Variants in MALRD1 observed in about 807,000 individuals in gnomAD.
MALRD1 encodes MAM and LDL-receptor class A domain-containing protein 1.
A neutral mutation model predicts 242.1 loss-of-function variants in MALRD1; 247 were observed. The ratio of observed to expected loss-of-function variants is 1.02; its 90% CI spans 0.92 to 1.13. MALRD1 has a LOEUF of 1.13. Among genes scored for constraint, MALRD1 ranks in the 50% most tolerant of loss-of-function variants. The pLI is 0.00. For missense variants in MALRD1, 2,989 were observed against 2,533.1 expected, an observed-to-expected ratio of 1.18 and a Z score of -3.86; for synonymous variants, 995 against 866.6, an observed-to-expected ratio of 1.15 and a Z score of -2.60.
chr10:19,341,173 A>G (rs1230099799), intron 24 of MALRD1, among the ~76,000 whole-genome samples: 2 of 152,028 alleles, frequency 1.3e-5, no homozygotes, highest in African/African-American at 4.8e-5. Flanking sequence ...TATGAATTGA[A>G]TAGACTAAAA....
intron 32 of MALRD1, among the ~76,000 whole-genome samples, chr10:19,561,707 T>G (rs1835972362): frequency 1.1e-5 from 1 of 92,830 alleles, no homozygotes; most frequent in African/African-American, 4.5e-5. Context: ...TACAATTGCC[T>G]CTCAGCATTT....
intron 38 of MALRD1, among the ~76,000 whole-genome samples, chr10:19,723,370 T>C (rs1020569164): frequency 6.6e-6 from 1 of 152,044 alleles, no homozygotes; most frequent in African/African-American, 2.4e-5. Flanking sequence ...TCCACCAAAA[T>C]ACGACAGAAA....
intron 36 of MALRD1, among the ~76,000 whole-genome samples, chr10:19,682,614 A>C (rs1414373423): frequency 2.6e-5 from 4 of 152,202 alleles, no homozygotes; most frequent in South Asian, 2.1e-4. Context: ...AATTAGTCCA[A>C]GCAAATTAAT....
intron 26 of MALRD1, among the ~76,000 whole-genome samples, chr10:19,364,204 T>C (rs552108792): frequency 6.6e-6 from 1 of 152,130 alleles, no homozygotes; most frequent in Non-Finnish European, 1.5e-5. Context: ...AGGGTGATGC[T>C]CTGTGGATCT....
Position 19,540,003 on chromosome 10 carries a change from A to G in MALRD1, c.5478+8652A>G, listed in dbSNP as rs1834893855. On this transcript the variant is annotated intron_variant, in intron 32 of 39. Coordinates refer to ENST00000454679, the MANE Select transcript of MALRD1 (RefSeq NM_001142308.3). ...AGTGATCTGCCCACCTCGGCCTCCCATGCCACATGCCCAGTGTGTTCTGCT... is the reference window on the plus strand; with the variant it reads ...AGTGATCTGCCCACCTCGGCCTCCCGTGCCACATGCCCAGTGTGTTCTGCT... Among the ~76,000 whole-genome samples the G allele has an allele frequency of 1.3e-5, 2 of 151,698 alleles. 1 individual carries two copies. Among genetic ancestry groups the G allele is most frequent in the South Asian group, 4.2e-4 (2 of 4,796 alleles).
intron 21 of MALRD1, among the ~76,000 whole-genome samples, chr10:19,306,132 G>GTA (rs1489269414): frequency 1.1e-5 from 1 of 90,968 alleles, no homozygotes; most frequent in Non-Finnish European, 2.1e-5. Context: ...AGTATATATA[G>GTA]TATAGTATAT....
At chr10:19,358,267 G>C (rs1844730701) in intron 26 of MALRD1, among the ~76,000 whole-genome samples, 1 of 150,378 alleles carries the variant, frequency 6.6e-6, no homozygotes, top group South Asian at 2.1e-4. Flanking sequence ...CCAAACAGGA[G>C]TTATTCAATA....
rs566617943 is a variant in MALRD1 at position 19,526,224 on chromosome 10, G to C, written c.5321-4970G>C. ...AGTCTGAGCTTGCTAGATAAAGAAT[G>C]AGTCTATTTCTGAAAGTATAATTCA... is the stretch of plus-strand genomic sequence containing the variant. On this transcript the variant is annotated intron_variant, in intron 31 of 39. Transcript: ENST00000454679. 8.3e-4 allele frequency among the ~76,000 whole-genome samples: 126 copies of C among 152,076 alleles called. 1 individual carries two copies. Among genetic ancestry groups the C allele is most frequent in the Non-Finnish European group, 1.3e-3 (86 of 67,958 alleles).
At chr10:19,146,426 A>G (rs1404450868) in intron 11 of MALRD1, 82 bp downstream of exon 11, 2 of 1,127,060 alleles carry the variant, frequency 1.8e-6, no homozygotes, top group Non-Finnish European at 1.1e-6. Context: ...TTTCATTTCT[A>G]TTCTGTAGAC....
In MALRD1 at chr10:19,730,799, A is replaced by G. The variant is rs1835261716; in HGVS notation, c.6390+18A>G. On this transcript the variant is annotated intron_variant, in intron 39 of 39. Coordinates refer to ENST00000454679, the MANE Select transcript of MALRD1 (RefSeq NM_001142308.3). ...AAACAGAGGTAAGTGGCAAGGGTGA[A>G]CTATATCTTTTCACACATATGCACA... 1 of 1,533,794 alleles carries G rather than the reference A, an allele frequency of 6.5e-7. No individual in the cohort carries two copies. Among genetic ancestry groups the G allele is most frequent in the South Asian group, 1.2e-5 (1 of 84,000 alleles).
At chr10:19,239,576 C>G (rs924180699) in intron 18 of MALRD1, among the ~76,000 whole-genome samples, 19 of 152,082 alleles carry the variant, frequency 1.2e-4, no homozygotes, top group African/African-American at 4.1e-4. Context: ...TTTTACAACC[C>G]AAAGTTATAG....
At chr10:19,650,548 G>A (rs1050093932) in intron 36 of MALRD1, among the ~76,000 whole-genome samples, 8 of 151,992 alleles carry the variant, frequency 5.3e-5, no homozygotes, top group African/African-American at 9.7e-5. Flanking sequence ...CTGTAACTTC[G>A]TTAGGTAGGA....
Position 19,452,240 on chromosome 10 carries a change from G to A in MALRD1, c.5029+1750G>A, listed in dbSNP as rs572041464. Among the ~76,000 whole-genome samples, 12 of 152,330 alleles carry A rather than the reference G, an allele frequency of 7.9e-5. No homozygotes were observed. The South Asian group carries it at 2.5e-3, about 32-fold the overall frequency. On this transcript the variant is annotated intron_variant, in intron 29 of 39. Transcript: ENST00000454679. ...CTAGATGGGTTGATTCAGGACAGAA[G>A]GAAACTGAGAGTTATTATTCTAGCT...
At chr10:19,461,332 A>G (rs4590762) in intron 29 of MALRD1, among the ~76,000 whole-genome samples, 53,536 of 151,998 alleles carry the variant, frequency 0.35, 9,490 homozygotes, top group East Asian at 0.46. Context: ...AGGAGTTCAG[A>G]GAAAGAAACC....
At chr10:19,677,215 G>A (rs1294236626) in intron 36 of MALRD1, among the ~76,000 whole-genome samples, 1 of 152,078 alleles carries the variant, frequency 6.6e-6, no homozygotes, top group Non-Finnish European at 1.5e-5. Context: ...GGTATTTCTG[G>A]TTCTAGGTCT....
intron 31 of MALRD1, among the ~76,000 whole-genome samples, chr10:19,499,295 T>TA (rs1267138942): frequency 1.3e-5 from 2 of 152,098 alleles, no homozygotes; most frequent in Non-Finnish European, 2.9e-5. Flanking sequence ...TTATTAGGGA[T>TA]AAAAAAATAT....
chr10:19,487,534 T>A (rs1392075840), intron 29 of MALRD1, among the ~76,000 whole-genome samples: 5 of 135,338 alleles, frequency 3.7e-5, no homozygotes, highest in African/African-American at 8.2e-5. Flanking sequence ...TTTTTTTTTT[T>A]TATAAAAGCC....
intron 28 of MALRD1, among the ~76,000 whole-genome samples, chr10:19,441,274 C>T (rs1176310175): frequency 2.0e-5 from 3 of 152,084 alleles, no homozygotes; most frequent in Non-Finnish European, 4.4e-5. Flanking sequence ...TAAAAATTTT[C>T]TCCCATTCTG....
chr10:19,541,975 T>TCGA (rs1294746276), intron 32 of MALRD1, among the ~76,000 whole-genome samples: 1 of 152,162 alleles, frequency 6.6e-6, no homozygotes, highest in African/African-American at 2.4e-5. Context: ...AATGAAAAGG[T>TCGA]CGACACTCAA....
Sources: gnomAD v4.1 joint callset for allele counts (sites outside exome capture counted in the v4.1 genomes callset) on GRCh38, gnomAD v4.1.1 for gene constraint, MANE v1.5 for transcripts, NCBI Gene and HGNC (gene_info 2026-07-23, HGNC 2026-07-21) for gene names.